MIER1: variants seen among roughly 807,000 people sequenced by gnomAD.
MIER1 encodes MIER1 transcriptional regulator.
Under a neutral mutation model 75.7 loss-of-function variants are expected in MIER1, and 40 were observed. The ratio of observed to expected loss-of-function variants is 0.53; its 90% CI spans 0.41 to 0.69. MIER1 has a LOEUF of 0.69. Ranked by LOEUF, MIER1 falls within the 30% of genes least tolerant of loss-of-function variation. The pLI, the probability that MIER1 is intolerant of heterozygous loss-of-function variation, is 0.00. For synonymous variants in MIER1, 213 were observed against 223.4 expected (o/e 0.95, Z 0.42); for missense variants, 574 against 680.2 (o/e 0.84, Z 1.74).
intron 2 of MIER1, among the ~76,000 whole-genome samples, chr1:66,939,230 T>G (rs1273152893): frequency 6.6e-6 from 1 of 152,172 alleles, no homozygotes; most frequent in Non-Finnish European, 1.5e-5. Context: ...TGTAGATTAT[T>G]TGTTTATAAT....
At chr1:66,982,950 A>G (rs1017855581) in intron 13 of MIER1, among the ~76,000 whole-genome samples, 1 of 152,232 alleles carries the variant, frequency 6.6e-6, no homozygotes, top group East Asian at 1.9e-4. Context: ...GACTAACCGT[A>G]TAGGCTCAAG....
At chr1:66,970,042 A>G (rs1182848024) in intron 8 of MIER1, among the ~76,000 whole-genome samples, 1 of 152,086 alleles carries the variant, frequency 6.6e-6, no homozygotes, top group Non-Finnish European at 1.5e-5. Context: ...CATTCTTGGT[A>G]TTTCTTCTGT....
In MIER1 at chr1:66,984,947, A is replaced by G; in HGVS notation, c.*47A>G. On this transcript the variant is annotated 3_prime_UTR_variant, in exon 14 of 14. Transcript: ENST00000401041. ...CTTTGGAGTAAATTCTGGTGTGACT[A>G]AAATTTTCAGGGTTGATGGGTTACC... The G allele has an allele frequency of 6.6e-7, 1 of 1,519,356 alleles. No individual in the cohort carries two copies. Among genetic ancestry groups the G allele is most frequent in the East Asian group, 2.3e-5 (1 of 43,936 alleles). 94.1% of individuals were successfully genotyped at this position (1,519,356 alleles called of 1,614,324 possible).
chr1:66,978,565 C>G (rs1448761049), intron 12 of MIER1, among the ~76,000 whole-genome samples: 1 of 152,094 alleles, frequency 6.6e-6, no homozygotes, highest in Non-Finnish European at 1.5e-5. Flanking sequence ...GAATTAGATA[C>G]AGCATCTAGT....
chr1:66,986,446 T>C lies in MIER1; in HGVS notation c.*1546T>C. On this transcript the variant is annotated 3_prime_UTR_variant, in exon 14 of 14. Coordinates refer to ENST00000401041, the MANE Select transcript of MIER1 (RefSeq NM_001077700.3). The stretch of plus-strand genomic sequence containing the variant: ...TTCCAGTTCATTTTTCAGCCATCAG[T>C]TCAAGAGCCAATGCCTTTTTAAAAT... 6.2e-7 allele frequency: 1 copy of C among 1,612,204 alleles called. No individual in the cohort carries two copies. Among genetic ancestry groups the C allele is most frequent in the Non-Finnish European group, 8.5e-7 (1 of 1,179,122 alleles).
At chr1:66,925,340 T>G (rs1226369002) in intron 1 of MIER1, 2 of 985,340 alleles carry the variant, frequency 2.0e-6, no homozygotes, top group Non-Finnish European at 2.4e-6. Context: ...GCCGCCTTTT[T>G]GCCTTCGCGG....
chr1:66,973,619 G>T (rs186302061), intron 11 of MIER1, among the ~76,000 whole-genome samples: 11 of 151,904 alleles, frequency 7.2e-5, no homozygotes, highest in African/African-American at 2.7e-4. Flanking sequence ...TTGTTTTGGG[G>T]CTTAATTCTT....
At chr1:66,954,179 A>G (rs1659608338) in intron 4 of MIER1, among the ~76,000 whole-genome samples, 1 of 152,176 alleles carries the variant, frequency 6.6e-6, no homozygotes, top group Non-Finnish European at 1.5e-5. Flanking sequence ...TGTGTAGTGA[A>G]TGATAGCAGT....
intron 10 of MIER1, among the ~76,000 whole-genome samples, chr1:66,972,087 T>G (rs1157926448): frequency 6.6e-6 from 1 of 151,486 alleles, no homozygotes; most frequent in Non-Finnish European, 1.5e-5. Flanking sequence ...TTGATGAGCC[T>G]GAGATCTCTG....
intron 2 of MIER1, among the ~76,000 whole-genome samples, chr1:66,937,931 A>G (rs999919658): frequency 6.6e-6 from 1 of 152,164 alleles, no homozygotes; most frequent in Non-Finnish European, 1.5e-5. Flanking sequence ...TGGATACTAA[A>G]TGTATCTGTA....
chr1:66,951,208 C>A (rs1395003397), intron 4 of MIER1, among the ~76,000 whole-genome samples: 3 of 152,168 alleles, frequency 2.0e-5, no homozygotes, highest in African/African-American at 7.2e-5. Flanking sequence ...CAGGGTCTTA[C>A]TCTGTCACCT....
At chr1:66,984,223 A>G (rs1373480746) in intron 13 of MIER1, among the ~76,000 whole-genome samples, 2 of 152,230 alleles carry the variant, frequency 1.3e-5, no homozygotes, top group Non-Finnish European at 2.9e-5. Flanking sequence ...CAGCTTAGTT[A>G]GACTGCTGGA....
intron 2 of MIER1, 63 bp downstream of exon 2, chr1:66,926,305 G>A (rs202108897): frequency 8.1e-6 from 10 of 1,227,296 alleles, no homozygotes; most frequent in East Asian, 4.6e-5. Flanking sequence ...AGTAATATAA[G>A]ATTATATTAC....
At chr1:66,925,899 T>C (rs1245528312) in intron 1 of MIER1, among the ~76,000 whole-genome samples, 1 of 152,168 alleles carries the variant, frequency 6.6e-6, no homozygotes, top group Non-Finnish European at 1.5e-5. Flanking sequence ...TGACCCGGAG[T>C]TGACTGAACC....
chr1:66,945,297 ATATATATATATATATATAT>A (rs1558042015), intron 3 of MIER1, among the ~76,000 whole-genome samples: 73 of 15,982 alleles, frequency 4.6e-3, no homozygotes, highest in African/African-American at 0.011. Context: ...ATATATATAT[ATATATATATATATATATAT>A]AAAATACCTA....
chr1:66,959,214 C>A (rs995199559), intron 6 of MIER1, among the ~76,000 whole-genome samples: 1 of 151,946 alleles, frequency 6.6e-6, no homozygotes, highest in African/African-American at 2.4e-5. Context: ...TTTGTTTTTT[C>A]TTTGCCCTGT....
At chr1:66,931,002 G>C (rs1358556735) in intron 2 of MIER1, among the ~76,000 whole-genome samples, 1 of 152,108 alleles carries the variant, frequency 6.6e-6, no homozygotes, top group Non-Finnish European at 1.5e-5. Flanking sequence ...CGCTCCCCAA[G>C]GTACAACCTC....
Position 66,988,328 on chromosome 1 carries a change from C to T in MIER1, c.*3428C>T, listed in dbSNP as rs939273460. The T allele has an allele frequency of 7.9e-5, 12 of 152,254 alleles. No homozygotes were observed. Among genetic ancestry groups the T allele is most frequent in the Non-Finnish European group, 1.5e-4 (10 of 68,008 alleles). The allele number at this position is 152,254 out of a possible 1,614,324, so 9.4% of individuals were successfully genotyped here. ...TACAACTTTTTACCGTAAAAATTAA[C>T]TCTCTTCTTTAATATCAAGTTCATC... On this transcript the variant is annotated 3_prime_UTR_variant, in exon 14 of 14. Coordinates refer to ENST00000401041, the MANE Select transcript of MIER1 (RefSeq NM_001077700.3).
rs1667007741 is a variant in MIER1 at position 66,988,066 on chromosome 1, C to A, written c.*3166C>A. The A allele has an allele frequency of 6.6e-6, 1 of 152,172 alleles. No individual in the cohort carries two copies. The highest frequency in any genetic ancestry group is 1.5e-5 in the Non-Finnish European group (1 of 67,992). 9.4% of individuals were successfully genotyped at this position (152,172 alleles called of 1,614,324 possible). ...CTATCGATGGATAATTAGGAGTGGG[C>A]ACTTGGAATAACTGAGGGCTGGTGA... On this transcript the variant is annotated 3_prime_UTR_variant, in exon 14 of 14. Transcript: ENST00000401041.
Sources: allele counts gnomAD v4.1 joint callset (sites outside exome capture counted in the v4.1 genomes callset), GRCh38; gene constraint gnomAD v4.1.1; transcripts MANE v1.5; gene names NCBI Gene and HGNC (gene_info 2026-07-23, HGNC 2026-07-21).